The following EXOC6B variants were observed in gnomAD, a reference collection of about 807,000 sequenced individuals.
EXOC6B encodes the protein SEC15 homolog B.
Under a neutral mutation model 113.5 loss-of-function variants are expected in EXOC6B, and 54 were observed. The ratio of observed to expected loss-of-function variants is 0.48; its 90% confidence interval spans 0.38 to 0.60. The LOEUF (loss-of-function observed/expected upper bound fraction) is 0.60. Ranked by LOEUF, EXOC6B falls within the 20% of genes least tolerant of loss-of-function variation. The pLI is 0.00. For synonymous variants in EXOC6B, 357 were observed against 339.0 expected (o/e 1.05, Z -0.58); for missense variants, 797 against 977.5 (o/e 0.82, Z 2.46).
At chr2:72,539,764 G>C (rs538695473) in intron 8 of EXOC6B, among the ~76,000 whole-genome samples, 1 of 151,754 alleles carries the variant, frequency 6.6e-6, no homozygotes, top group African/African-American at 2.4e-5. Flanking sequence ...GCGCGCGCGC[G>C]TGTGTGTAGT....
At chr2:72,462,543 C>T (rs1324096981) in intron 18 of EXOC6B, 1 of 151,780 alleles carries the variant, frequency 6.6e-6, no homozygotes, top group Non-Finnish European at 1.5e-5. Context: ...TGGATTAGTG[C>T]CTTATAGAAG....
At chr2:72,432,443 T>C (rs1695595863) in intron 18 of EXOC6B, among the ~76,000 whole-genome samples, 1 of 152,222 alleles carries the variant, frequency 6.6e-6, no homozygotes, top group African/African-American at 2.4e-5. Context: ...ATATACCCAG[T>C]AATGGCATTG....
At chr2:72,473,710 TATTA>T (rs1698548943) in intron 17 of EXOC6B, among the ~76,000 whole-genome samples, 2 of 152,146 alleles carry the variant, frequency 1.3e-5, no homozygotes, top group South Asian at 2.1e-4. Context: ...CCCTTTATCA[TATTA>T]ATTATCTTCT....
chr2:72,628,015 T>C (rs1301306276), intron 6 of EXOC6B, among the ~76,000 whole-genome samples: 12 of 152,212 alleles, frequency 7.9e-5, no homozygotes, highest in Non-Finnish European at 1.0e-4. Context: ...TTAAATGCAG[T>C]TTTAAGCAAA....
At chr2:72,813,233 G>A (rs571399888) in intron 1 of EXOC6B, among the ~76,000 whole-genome samples, 1 of 151,680 alleles carries the variant, frequency 6.6e-6, no homozygotes, top group African/African-American at 2.4e-5. Context: ...TGGGACTATA[G>A]TGCATGCCAC....
At chr2:72,523,973 A>G (rs542621309) in intron 8 of EXOC6B, among the ~76,000 whole-genome samples, 9 of 151,834 alleles carry the variant, frequency 5.9e-5, no homozygotes, top group Non-Finnish European at 1.3e-4. Context: ...CATACAAAGA[A>G]CAAGGGAAGG....
chr2:72,506,194 TAAA>T (rs1276454489), intron 11 of EXOC6B, among the ~76,000 whole-genome samples: 2 of 151,964 alleles, frequency 1.3e-5, no homozygotes, highest in African/African-American at 4.8e-5. Context: ...GAAAAAAACA[TAAA>T]AACGCAAAAA....
intron 18 of EXOC6B, among the ~76,000 whole-genome samples, chr2:72,395,856 T>C (rs1303349540): frequency 6.6e-6 from 1 of 152,118 alleles, no homozygotes; most frequent in Non-Finnish European, 1.5e-5. Flanking sequence ...TACAGCCCTG[T>C]ACAGTGTATG....
chr2:72,338,873 C>T (rs1416095860), intron 19 of EXOC6B, among the ~76,000 whole-genome samples: 2 of 150,060 alleles, frequency 1.3e-5, no homozygotes, highest in African/African-American at 4.9e-5. Flanking sequence ...TAAATACAGA[C>T]CACTTTTATA....
intron 18 of EXOC6B, among the ~76,000 whole-genome samples, chr2:72,401,524 C>CATAT (rs1186731784): frequency 1.3e-4 from 4 of 29,702 alleles, no homozygotes; most frequent in East Asian, 7.7e-4. Flanking sequence ...TACATATATA[C>CATAT]ATATATATAT....
intron 19 of EXOC6B, among the ~76,000 whole-genome samples, chr2:72,375,008 GT>G (rs1198668291): frequency 2.0e-5 from 3 of 151,688 alleles, no homozygotes; most frequent in African/African-American, 7.3e-5. Flanking sequence ...TCATAAGGAA[GT>G]TGAGTGGGTC....
At chr2:72,742,673 C>T (rs868636799) in intron 1 of EXOC6B, among the ~76,000 whole-genome samples, 5 of 152,192 alleles carry the variant, frequency 3.3e-5, no homozygotes, top group Non-Finnish European at 4.4e-5. Flanking sequence ...TGTTTCTTAA[C>T]CTCTCACTGA....
At chr2:72,545,079 A>C (rs1702819342) in intron 8 of EXOC6B, among the ~76,000 whole-genome samples, 1 of 152,150 alleles carries the variant, frequency 6.6e-6, no homozygotes, top group African/African-American at 2.4e-5. Flanking sequence ...CAGTTACATA[A>C]AATTAATTTT....
At chr2:72,816,927 G>T (rs552529149) in intron 1 of EXOC6B, among the ~76,000 whole-genome samples, 1 of 152,244 alleles carries the variant, frequency 6.6e-6, no homozygotes. Context: ...CTAGCTAACT[G>T]AACCAAATCA....
chr2:72,392,852 T>C (rs771164169), intron 18 of EXOC6B, among the ~76,000 whole-genome samples: 2 of 152,260 alleles, frequency 1.3e-5, no homozygotes, highest in South Asian at 4.2e-4. Flanking sequence ...TCCCTGTGTA[T>C]GACCTCATTG....
intron 17 of EXOC6B, among the ~76,000 whole-genome samples, chr2:72,472,618 T>C (rs1196503265): frequency 1.3e-5 from 2 of 152,022 alleles, no homozygotes; most frequent in Admixed American, 6.6e-5. Flanking sequence ...TAGCTAGTGG[T>C]TGTTATCAAT....
intron 20 of EXOC6B, among the ~76,000 whole-genome samples, chr2:72,252,292 CGT>C (rs55983315): frequency 0.24 from 36,168 of 151,282 alleles, 7,657 homozygotes; most frequent in African/African-American, 0.58. Flanking sequence ...ATTCTTCACA[CGT>C]GTGTGTGTGT....
rs1473156708 is a variant in EXOC6B, at chr2:72,733,101, A to G, written c.297T>C (p.Thr99=). 1 of 1,593,246 alleles carries G rather than the reference A, an allele frequency of 6.3e-7. No individual in the cohort carries two copies. Among genetic ancestry groups the G allele is most frequent in the Non-Finnish European group, 8.6e-7 (1 of 1,167,792 alleles). ...TTCCCTCATGTTGTAGTTTTCTATT[A>G]GTATCCGTCACTTGATTCTGTGGAG... ...AQKLKNQVTD[T]NRKLQHEGKE... The change falls in exon 3 of 22, where the codon ACT becomes ACC. Residue 99 remains threonine, a synonymous_variant. Transcript: ENST00000272427.
chr2:72,796,389 G>T (rs1684952119), intron 1 of EXOC6B, among the ~76,000 whole-genome samples: 1 of 149,674 alleles, frequency 6.7e-6, no homozygotes, highest in Non-Finnish European at 1.5e-5. Flanking sequence ...GGAGGTGGAG[G>T]TTGCAGTGAG....
Sources: allele counts gnomAD v4.1 joint callset (sites outside exome capture counted in the v4.1 genomes callset), GRCh38; gene constraint gnomAD v4.1.1; transcripts MANE v1.5; gene names NCBI Gene and HGNC (gene_info 2026-07-23, HGNC 2026-07-21).